CTNNA2: variants seen among roughly 807,000 people sequenced by gnomAD.
CTNNA2 encodes the protein catenin alpha-2.
In CTNNA2, 42 loss-of-function variants were observed where a neutral mutation model predicts 101.0. The ratio of observed to expected loss-of-function variants is 0.42; its 90% CI spans 0.32 to 0.54. CTNNA2 has a LOEUF of 0.54. CTNNA2 is among the 20% of genes least tolerant of loss of function. The probability of loss-of-function intolerance (pLI) is 0.14; values close to 1 mark genes in which losing one functional copy is unlikely to be tolerated. For synonymous variants in CTNNA2, 450 were observed against 456.4 expected (o/e 0.99, Z 0.18); for missense variants, 871 against 1,223.1 (o/e 0.71, Z 4.29).
intron 3 of CTNNA2, among the ~76,000 whole-genome samples, chr2:79,782,620 C>T (rs1674538039): frequency 6.6e-6 from 1 of 152,074 alleles, no homozygotes; most frequent in African/African-American, 2.4e-5. Flanking sequence ...TCTTATCTTC[C>T]CCCACAGATG....
intron 2 of CTNNA2, among the ~76,000 whole-genome samples, chr2:79,277,988 C>A (rs928753339): frequency 1.3e-5 from 2 of 152,104 alleles, no homozygotes; most frequent in Non-Finnish European, 2.9e-5. Flanking sequence ...TTGTTTAAAC[C>A]TCCGTATGTA....
At chr2:80,644,504 C>T (rs1330612570) in intron 18 of CTNNA2, among the ~76,000 whole-genome samples, 2 of 152,098 alleles carry the variant, frequency 1.3e-5, no homozygotes, top group African/African-American at 4.8e-5. Context: ...GAAGTTTTAG[C>T]CAACCTTGCC....
At chr2:79,951,325 A>G (rs1688864456) in intron 7 of CTNNA2, among the ~76,000 whole-genome samples, 1 of 152,192 alleles carries the variant, frequency 6.6e-6, no homozygotes, top group Admixed American at 6.5e-5. Context: ...ATGTACAGCC[A>G]GGGTTAGTAA....
chr2:80,508,939 G>A (rs534332499), intron 9 of CTNNA2, among the ~76,000 whole-genome samples: 22 of 152,108 alleles, frequency 1.4e-4, no homozygotes, highest in East Asian at 7.7e-4. Flanking sequence ...CTTCTTTTTC[G>A]TTTATTTGAT....
At chr2:79,189,529 A>G (rs1340474710) in intron 1 of CTNNA2, among the ~76,000 whole-genome samples, 13 of 152,212 alleles carry the variant, frequency 8.5e-5, no homozygotes, top group Admixed American at 7.9e-4. Flanking sequence ...TGATCATATC[A>G]CCATGGTATA....
intron 3 of CTNNA2, among the ~76,000 whole-genome samples, chr2:79,768,042 G>A (rs897328226): frequency 4.6e-5 from 7 of 151,742 alleles, no homozygotes; most frequent in Admixed American, 4.6e-4. Flanking sequence ...TTTGGCATTT[G>A]GTGATGAGGT....
chr2:79,220,200 G>T (rs1368958), intron 2 of CTNNA2, among the ~76,000 whole-genome samples: 1 of 151,598 alleles, frequency 6.6e-6, no homozygotes, highest in Admixed American at 6.6e-5. Context: ...GTGTGTGTGT[G>T]TATATATATG....
intron 7 of CTNNA2, among the ~76,000 whole-genome samples, chr2:80,013,859 T>C (rs1288144874): frequency 6.6e-6 from 1 of 152,192 alleles, no homozygotes; most frequent in Non-Finnish European, 1.5e-5. Context: ...ACGAATTCTC[T>C]CTGCTGGCTC....
intron 7 of CTNNA2, among the ~76,000 whole-genome samples, chr2:80,070,531 A>G (rs1698262811): frequency 6.6e-6 from 1 of 152,048 alleles, no homozygotes; most frequent in South Asian, 2.1e-4. Flanking sequence ...ACACAGTGAG[A>G]CTTTGTCTCT....
chr2:80,448,878 T>C (rs570480751), intron 9 of CTNNA2, among the ~76,000 whole-genome samples: 1 of 152,206 alleles, frequency 6.6e-6, no homozygotes, highest in East Asian at 1.9e-4. Flanking sequence ...CTCCTTCCTT[T>C]CCTCCTTTTT....
At chr2:80,465,663 GC>G (rs1291551439) in intron 9 of CTNNA2, among the ~76,000 whole-genome samples, 1 of 152,074 alleles carries the variant, frequency 6.6e-6, no homozygotes, top group African/African-American at 2.4e-5. Context: ...GAAGTCATTT[GC>G]CCTCGCCCTA....
chr2:79,746,628 A>G (rs1280912875), intron 3 of CTNNA2, among the ~76,000 whole-genome samples: 1 of 152,186 alleles, frequency 6.6e-6, no homozygotes, highest in Non-Finnish European at 1.5e-5. Context: ...CCTCCTATAT[A>G]TCTGTTTAAT....
At chr2:80,087,219 G>A (rs1699498250) in intron 7 of CTNNA2, among the ~76,000 whole-genome samples, 1 of 151,974 alleles carries the variant, frequency 6.6e-6, no homozygotes, top group South Asian at 2.1e-4. Context: ...GTAGACAGTT[G>A]TGTCACTTTC....
intron 7 of CTNNA2, among the ~76,000 whole-genome samples, chr2:80,066,896 C>T (rs900941144): frequency 6.6e-6 from 1 of 152,200 alleles, no homozygotes; most frequent in African/African-American, 2.4e-5. Context: ...ACAATAGAAC[C>T]TATTCAGCCT....
intron 7 of CTNNA2, among the ~76,000 whole-genome samples, chr2:80,177,480 G>T (rs1445814548): frequency 6.6e-6 from 1 of 152,280 alleles, no homozygotes; most frequent in Non-Finnish European, 1.5e-5. Context: ...GGCACTCAGT[G>T]GTGGTCATAG....
intron 9 of CTNNA2, among the ~76,000 whole-genome samples, chr2:80,427,615 T>C (rs1681110454): frequency 6.6e-6 from 1 of 152,210 alleles, no homozygotes; most frequent in South Asian, 2.1e-4. Flanking sequence ...TAGTTACTCC[T>C]GATAGCAGTG....
intron 2 of CTNNA2, among the ~76,000 whole-genome samples, chr2:79,287,218 G>A (rs1320750958): frequency 6.6e-6 from 1 of 152,162 alleles, no homozygotes; most frequent in Non-Finnish European, 1.5e-5. Context: ...CCGTAGCTCG[G>A]AGTAATTTGA....
At chr2:79,614,281 A>T (rs546964228) in intron 1 of CTNNA2, among the ~76,000 whole-genome samples, 1 of 152,176 alleles carries the variant, frequency 6.6e-6, no homozygotes, top group Non-Finnish European at 1.5e-5. Flanking sequence ...AATAACTAGG[A>T]ATCTCAGAGG....
intron 15 of CTNNA2, among the ~76,000 whole-genome samples, chr2:80,596,894 G>C (rs1461825316): frequency 1.3e-5 from 2 of 152,128 alleles, no homozygotes; most frequent in Non-Finnish European, 2.9e-5. Context: ...TCAATGCCTA[G>C]TTTGTTAAGA....
Sources: allele counts gnomAD v4.1 joint callset (sites outside exome capture counted in the v4.1 genomes callset), GRCh38; gene constraint gnomAD v4.1.1; transcripts MANE v1.5; gene names NCBI Gene and HGNC (gene_info 2026-07-23, HGNC 2026-07-21).